The following PDE1A variants were observed in gnomAD, a reference collection of about 807,000 sequenced individuals.
PDE1A encodes the protein dual specificity calcium/calmodulin-dependent 3',5'-cyclic nucleotide phosphodiesterase 1A.
A neutral mutation model predicts 61.7 loss-of-function variants in PDE1A; 35 were observed. The observed-to-expected ratio is 0.57, with a 90% CI of 0.43 to 0.75. The LOEUF is 0.75. Among genes scored for constraint, PDE1A ranks in the 30% least tolerant of loss-of-function variants. PDE1A has a pLI of 0.00. For synonymous variants in PDE1A, 232 were observed against 213.2 expected, an observed-to-expected ratio of 1.09 and a Z score of -0.77; for missense variants, 597 against 630.6, an observed-to-expected ratio of 0.95 and a Z score of 0.57.
chr2:182,541,175 G>T, the PDE1A span, among the ~76,000 whole-genome samples: 1 of 152,134 alleles, frequency 6.6e-6, no homozygotes, highest in Non-Finnish European at 1.5e-5. Context: ...AACCTCACAT[G>T]ATTTAAATGA....
At chr2:182,486,290 G>A in intron 2 of PDE1A, among the ~76,000 whole-genome samples, 1 of 151,956 alleles carries the variant, frequency 6.6e-6, no homozygotes, top group Non-Finnish European at 1.5e-5. Context: ...AAATATTACT[G>A]AGAGAAATTA....
Position 182,293,018 on chromosome 2 carries a change from T to C in PDE1A, c.54-28604A>G, listed in dbSNP as rs982730476. On this transcript the variant is annotated intron_variant, in intron 1 of 13. Transcript: ENST00000351439. ...TATAATTTACCTACAGTGAAAGGGA[T>C]ACATCTTGAGTGTACAGTTCAATGA... Among the ~76,000 whole-genome samples the C allele has an allele frequency of 2.0e-5, 3 of 152,250 alleles. No homozygotes were observed. In the East Asian group the frequency reaches 5.8e-4, roughly 29 times the overall value.
chr2:182,605,604 G>C, the PDE1A span, among the ~76,000 whole-genome samples: 3 of 152,174 alleles, frequency 2.0e-5, no homozygotes, highest in African/African-American at 7.2e-5. Flanking sequence ...AAGTTTGCTT[G>C]TTTCCACTAT....
At chr2:182,204,745 T>C (rs1686957997) in intron 8 of PDE1A, among the ~76,000 whole-genome samples, 1 of 152,222 alleles carries the variant, frequency 6.6e-6, no homozygotes. Flanking sequence ...GTTTTTGAAG[T>C]GTCAAAAGGT....
intron 3 of PDE1A, among the ~76,000 whole-genome samples, chr2:182,236,525 G>A (rs1449405656): frequency 6.6e-6 from 1 of 152,076 alleles, no homozygotes; most frequent in Non-Finnish European, 1.5e-5. Context: ...TTGACTTCAT[G>A]GCACAGAAAG....
chr2:182,313,329 G>C (rs1574324915), intron 1 of PDE1A, among the ~76,000 whole-genome samples: 1 of 152,046 alleles, frequency 6.6e-6, no homozygotes, highest in Non-Finnish European at 1.5e-5. Context: ...CAGGAGAATC[G>C]CTTGAACCCG....
chr2:182,292,060 G>A (rs1273115164), intron 1 of PDE1A, among the ~76,000 whole-genome samples: 1 of 152,024 alleles, frequency 6.6e-6, no homozygotes, highest in Admixed American at 6.6e-5. Flanking sequence ...CTATAAAACT[G>A]TATTGCCAAC....
intron 1 of PDE1A, among the ~76,000 whole-genome samples, chr2:182,425,374 T>C (rs769115548): frequency 6.6e-5 from 10 of 152,274 alleles, no homozygotes; most frequent in Non-Finnish European, 1.2e-4. Context: ...TGAATATATT[T>C]TGGGGGTCAT....
chr2:182,389,110 A>T (rs1429631339), intron 1 of PDE1A, among the ~76,000 whole-genome samples: 2 of 152,190 alleles, frequency 1.3e-5, no homozygotes, highest in Non-Finnish European at 2.9e-5. Context: ...CAAGTTCAAG[A>T]TACTTTTGTA....
the PDE1A span, among the ~76,000 whole-genome samples, chr2:182,632,159 G>C: frequency 6.6e-6 from 1 of 152,066 alleles, no homozygotes; most frequent in Non-Finnish European, 1.5e-5. Flanking sequence ...CCAAGAGACA[G>C]AGAGAGAGAT....
the PDE1A span, among the ~76,000 whole-genome samples, chr2:182,534,344 C>T: frequency 9.2e-5 from 14 of 151,764 alleles, no homozygotes; most frequent in Non-Finnish European, 1.8e-4. Context: ...ATCTCTATTT[C>T]TTAAAACAAA....
chr2:182,638,832 A>G, the PDE1A span, among the ~76,000 whole-genome samples: 1 of 152,164 alleles, frequency 6.6e-6, no homozygotes, highest in Non-Finnish European at 1.5e-5. Context: ...ACCTTTCCAC[A>G]CAAGAGATTC....
the PDE1A span, among the ~76,000 whole-genome samples, chr2:182,567,508 C>T: frequency 3.9e-5 from 6 of 152,098 alleles, no homozygotes. Flanking sequence ...TGGGAAACTT[C>T]AAAAATATGT....
intron 1 of PDE1A, among the ~76,000 whole-genome samples, chr2:182,401,290 C>T (rs1192377036): frequency 2.6e-5 from 4 of 152,076 alleles, no homozygotes; most frequent in African/African-American, 4.8e-5. Flanking sequence ...ACTGGCAAAC[C>T]GAATCCAGCA....
At chr2:182,167,302 T>A (rs908834717), downstream of PDE1A, among the ~76,000 whole-genome samples, 1 of 152,122 alleles carries the variant, frequency 6.6e-6, no homozygotes, top group Non-Finnish European at 1.5e-5. Context: ...TGAGGGCCAA[T>A]CTTACAAACA....
chr2:182,141,155 A>G (rs1690212814), exon 15 of PDE1A: 2 of 152,122 alleles, frequency 1.3e-5, no homozygotes, highest in South Asian at 4.1e-4. Context: ...AAGAAGTAGT[A>G]TTTCTATTTA....
chr2:182,385,659 G>GAAAGAAAGAAAGAAAGAAAGAAAGAAAGA (rs748519072), intron 1 of PDE1A, among the ~76,000 whole-genome samples: 1 of 95,060 alleles, frequency 1.1e-5, no homozygotes, highest in African/African-American at 4.6e-5. Context: ...AAGAAAGAAA[G>GAAAGAAAGAAAGAAAGAAAGAAAGAAAGA]AAGAAAAAAA....
At chr2:182,357,121 G>A (rs1047091638) in intron 1 of PDE1A, among the ~76,000 whole-genome samples, 5 of 151,688 alleles carry the variant, frequency 3.3e-5, no homozygotes, top group Non-Finnish European at 7.4e-5. Context: ...CATGGCACAT[G>A]TATACATATG....
chr2:182,608,130 T>G, the PDE1A span, among the ~76,000 whole-genome samples: 2 of 152,144 alleles, frequency 1.3e-5, no homozygotes, highest in African/African-American at 2.4e-5. Flanking sequence ...CATTCTCCCC[T>G]GAGGCTAGCC....
Sources: allele counts gnomAD v4.1 joint callset (sites outside exome capture counted in the v4.1 genomes callset), GRCh38; gene constraint gnomAD v4.1.1; transcripts MANE v1.5; gene names NCBI Gene and HGNC (gene_info 2026-07-23, HGNC 2026-07-21).